Variants in ELP4 observed in about 807,000 individuals in gnomAD.
ELP4 encodes the protein elongator acetyltransferase complex subunit 4.
Under a neutral mutation model 48.9 loss-of-function variants are expected in ELP4, and 51 were observed. That is an observed-to-expected ratio of 1.04 (90% CI 0.83 to 1.32). The LOEUF (loss-of-function observed/expected upper bound fraction) is 1.32, where lower values mean the gene tolerates loss of function less well. ELP4 is among the 40% of genes most tolerant of loss of function. The probability of loss-of-function intolerance (pLI) is 0.00; values close to 1 mark genes in which losing one functional copy is unlikely to be tolerated. For synonymous variants in ELP4, 210 were observed against 189.2 expected (o/e 1.11, Z -0.90); for missense variants, 519 against 514.6 (o/e 1.01, Z -0.08).
At chr11:31,704,650 T>A (rs963159047) in intron 9 of ELP4, among the ~76,000 whole-genome samples, 1 of 151,916 alleles carries the variant, frequency 6.6e-6, no homozygotes, top group Non-Finnish European at 1.5e-5. Context: ...AATAAAAAAA[T>A]TAAAATTAAA....
rs534297374 is a variant in ELP4, at chr11:31,534,791, G to T, written c.260-4871G>T. On this transcript the variant is annotated intron_variant, in intron 2 of 9. Coordinates refer to ENST00000640961, the MANE Select transcript of ELP4 (RefSeq NM_019040.5). Reference sequence around the variant, plus strand: ...TTTGTTTCTTATATCGATTTATAATGACCATGGTTTAAATGTTTGCTTCTC... The same window carrying T: ...TTTGTTTCTTATATCGATTTATAATTACCATGGTTTAAATGTTTGCTTCTC... 1.4e-4 allele frequency among the ~76,000 whole-genome samples: 21 copies of T among 152,256 alleles called. No individual in the cohort carries two copies. In the South Asian group the frequency reaches 4.1e-3, roughly 30 times the overall value.
intron 5 of ELP4, among the ~76,000 whole-genome samples, chr11:31,618,265 A>G (rs1353846114): frequency 6.6e-6 from 1 of 152,132 alleles, no homozygotes; most frequent in East Asian, 1.9e-4. Context: ...AATACCGTAG[A>G]CTAAGTAATG....
chr11:31,762,483 A>C (rs1237258613), intron 9 of ELP4, among the ~76,000 whole-genome samples: 1 of 152,122 alleles, frequency 6.6e-6, no homozygotes, highest in Non-Finnish European at 1.5e-5. Context: ...TTAGACTTCA[A>C]AAATACTTAT....
At chr11:31,746,837 A>G (rs1249096475) in intron 9 of ELP4, among the ~76,000 whole-genome samples, 1 of 152,204 alleles carries the variant, frequency 6.6e-6, no homozygotes, top group East Asian at 1.9e-4. Flanking sequence ...ACGTATACAT[A>G]TGTAACAAAC....
chr11:31,586,791 G>T (rs764880357), intron 3 of ELP4, among the ~76,000 whole-genome samples: 1 of 151,586 alleles, frequency 6.6e-6, no homozygotes. Context: ...TACAGGCACC[G>T]GCCACCACGC....
intron 3 of ELP4, among the ~76,000 whole-genome samples, chr11:31,587,293 ACT>A (rs1401382220): frequency 1.3e-5 from 2 of 152,140 alleles, no homozygotes; most frequent in African/African-American, 4.8e-5. Flanking sequence ...AAACTAAGTA[ACT>A]CTGTGTCTGG....
intron 3 of ELP4, among the ~76,000 whole-genome samples, chr11:31,555,654 T>C (rs1363418952): frequency 6.6e-6 from 1 of 151,870 alleles, no homozygotes; most frequent in Non-Finnish European, 1.5e-5. Flanking sequence ...GTAAGACTTA[T>C]GAAAATTTAA....
chr11:31,662,825 A>T (rs900292575), intron 9 of ELP4: 4 of 347,850 alleles, frequency 1.1e-5, no homozygotes, highest in African/African-American at 8.4e-5. Context: ...TCTCTCTGAG[A>T]AAATACCTAG....
At chr11:31,636,382 AAATT>A (rs200924815) in intron 7 of ELP4, among the ~76,000 whole-genome samples, 1,796 of 152,084 alleles carry the variant, frequency 0.012, 33 homozygotes, top group African/African-American at 0.042. Context: ...TGCATTATAT[AAATT>A]AATATTAAAG....
At chr11:31,753,056 G>A (rs187597478) in intron 9 of ELP4, among the ~76,000 whole-genome samples, 4 of 152,182 alleles carry the variant, frequency 2.6e-5, no homozygotes, top group African/African-American at 4.8e-5. Context: ...TACCTGGTGC[G>A]TTGCAAGTGC....
intron 3 of ELP4, among the ~76,000 whole-genome samples, chr11:31,546,803 A>T (rs537662814): frequency 2.6e-5 from 4 of 152,322 alleles, no homozygotes; most frequent in African/African-American, 9.6e-5. Context: ...CCACAGTGCA[A>T]TCAAACTAGA....
intron 5 of ELP4, among the ~76,000 whole-genome samples, chr11:31,617,938 T>C (rs1345649803): frequency 6.6e-6 from 1 of 152,040 alleles, no homozygotes; most frequent in Non-Finnish European, 1.5e-5. Context: ...AAAGTTACCA[T>C]TTGACCCAGA....
intron 9 of ELP4, among the ~76,000 whole-genome samples, chr11:31,720,161 T>G (rs1424715121): frequency 6.6e-6 from 1 of 152,122 alleles, no homozygotes; most frequent in African/African-American, 2.4e-5. Flanking sequence ...CAGAAACCTT[T>G]AAGATAAATA....
intron 9 of ELP4, among the ~76,000 whole-genome samples, chr11:31,773,125 T>C (rs1948183293): frequency 6.6e-6 from 1 of 152,252 alleles, no homozygotes; most frequent in Non-Finnish European, 1.5e-5. Flanking sequence ...CTGTAGAGGC[T>C]GAATAATTAT....
At chr11:31,745,072 C>G (rs940761234) in intron 9 of ELP4, among the ~76,000 whole-genome samples, 1 of 152,190 alleles carries the variant, frequency 6.6e-6, no homozygotes, top group African/African-American at 2.4e-5. Context: ...GTGCAAAACT[C>G]ACAAGCATTC....
chr11:31,718,996 C>T (rs1289352469), intron 9 of ELP4, among the ~76,000 whole-genome samples: 2 of 152,112 alleles, frequency 1.3e-5, no homozygotes, highest in Admixed American at 1.3e-4. Context: ...CAGTGGCTCA[C>T]ACCTGTAATC....
chr11:31,647,681 A>G, intron 7 of ELP4, 60 bp from the exon 8 acceptor site: 10 of 1,006,156 alleles, frequency 9.9e-6, no homozygotes, highest in East Asian at 7.7e-5. Flanking sequence ...GGGATATTTT[A>G]TAGATATTAT....
At chr11:31,584,662 G>A (rs1957445473) in intron 3 of ELP4, among the ~76,000 whole-genome samples, 1 of 152,054 alleles carries the variant, frequency 6.6e-6, no homozygotes, top group South Asian at 2.1e-4. Context: ...CAAGTAGCTG[G>A]GATTACACGC....
At chr11:31,715,485 A>G (rs1470913830) in intron 9 of ELP4, among the ~76,000 whole-genome samples, 2 of 152,228 alleles carry the variant, frequency 1.3e-5, no homozygotes, top group African/African-American at 4.8e-5. Context: ...AGAGATTCCA[A>G]TGTGTTCATG....
Sources: allele counts gnomAD v4.1 joint callset (sites outside exome capture counted in the v4.1 genomes callset), GRCh38; gene constraint gnomAD v4.1.1; transcripts MANE v1.5; gene names NCBI Gene and HGNC (gene_info 2026-07-23, HGNC 2026-07-21).